The following NAALADL2 variants were observed in gnomAD, a reference collection of about 807,000 sequenced individuals.
NAALADL2 encodes the protein inactive N-acetylated-alpha-linked acidic dipeptidase-like protein 2.
NAALADL2 carries 76 observed loss-of-function variants against 87.2 expected under a neutral mutation model. That is an observed-to-expected ratio of 0.87 (90% CI 0.72 to 1.05). The LOEUF (loss-of-function observed/expected upper bound fraction) is 1.05, where lower values mean the gene tolerates loss of function less well. Among genes scored for constraint, NAALADL2 ranks in the 50% least tolerant of loss-of-function variants. The pLI, the probability that NAALADL2 is intolerant of heterozygous loss-of-function variation, is 0.00. For synonymous variants in NAALADL2, 354 were observed against 331.0 expected, an observed-to-expected ratio of 1.07 and a Z score of -0.75; for missense variants, 1,089 against 945.8, an observed-to-expected ratio of 1.15 and a Z score of -1.99.
intron 1 of NAALADL2, among the ~76,000 whole-genome samples, chr3:174,916,444 T>C (rs1734403798): frequency 1.3e-5 from 2 of 152,078 alleles, no homozygotes; most frequent in Non-Finnish European, 2.9e-5. Context: ...AATTCACAAT[T>C]GCAAAGATAG....
intron 13 of NAALADL2, among the ~76,000 whole-genome samples, chr3:175,780,879 A>G (rs965402440): frequency 6.6e-6 from 1 of 152,204 alleles, no homozygotes; most frequent in Non-Finnish European, 1.5e-5. Context: ...AAGGATTAAA[A>G]TATTATTTTT....
At chr3:175,619,763 T>A (rs1725941687) in intron 10 of NAALADL2, among the ~76,000 whole-genome samples, 1 of 151,758 alleles carries the variant, frequency 6.6e-6, no homozygotes, top group African/African-American at 2.4e-5. Flanking sequence ...AGAAAGAAAA[T>A]GTGATAGGAA....
chr3:175,798,286 C>G (rs1753748189), intron 13 of NAALADL2, among the ~76,000 whole-genome samples: 1 of 150,686 alleles, frequency 6.6e-6, no homozygotes, highest in South Asian at 2.1e-4. Flanking sequence ...AGAAGCTACC[C>G]AAAATGAAGG....
chr3:174,885,812 TCACACAATCACAA>T (rs1730024990), intron 1 of NAALADL2, among the ~76,000 whole-genome samples: 1 of 141,568 alleles, frequency 7.1e-6, no homozygotes, highest in Non-Finnish European at 1.5e-5. Context: ...AAGTATTAAC[TCACACAATCACAA>T]GTTCCCACAA....
intron 9 of NAALADL2, among the ~76,000 whole-genome samples, chr3:175,529,237 A>G (rs751453751): frequency 4.6e-5 from 7 of 152,048 alleles, no homozygotes; most frequent in Non-Finnish European, 8.8e-5. Flanking sequence ...CAACACTGTA[A>G]CTCTCTTCTT....
At chr3:175,478,514 G>A (rs1726027260) in intron 9 of NAALADL2, among the ~76,000 whole-genome samples, 1 of 151,912 alleles carries the variant, frequency 6.6e-6, no homozygotes, top group Admixed American at 6.6e-5. Flanking sequence ...GTCTTAGTGA[G>A]ATTCTGCTTA....
At chr3:175,770,215 T>C (rs1338894808) in intron 13 of NAALADL2, among the ~76,000 whole-genome samples, 1 of 152,144 alleles carries the variant, frequency 6.6e-6, no homozygotes, top group African/African-American at 2.4e-5. Context: ...TCGAGAAGAT[T>C]AATTTGTAAC....
chr3:175,458,197 G>C (rs1011734099), intron 6 of NAALADL2, among the ~76,000 whole-genome samples: 5 of 151,948 alleles, frequency 3.3e-5, no homozygotes, highest in East Asian at 1.9e-4. Context: ...ATAGTGTCTA[G>C]AAAACCAGAT....
At chr3:174,964,075 A>C (rs1742530566) in intron 1 of NAALADL2, among the ~76,000 whole-genome samples, 2 of 151,936 alleles carry the variant, frequency 1.3e-5, no homozygotes, top group Non-Finnish European at 2.9e-5. Context: ...ATGAGATTTT[A>C]AAAATATTTA....
intron 1 of NAALADL2, among the ~76,000 whole-genome samples, chr3:174,454,473 G>A (rs982858369): frequency 1.3e-5 from 2 of 151,982 alleles, no homozygotes; most frequent in African/African-American, 4.8e-5. Flanking sequence ...CTCTAAAGTC[G>A]ACCACATAAT....
At chr3:175,098,892 T>TG (rs1200540804) in intron 2 of NAALADL2, among the ~76,000 whole-genome samples, 6 of 115,956 alleles carry the variant, frequency 5.2e-5, no homozygotes, top group African/African-American at 1.9e-4. Context: ...GACAATTATG[T>TG]GTTTTTTTTT....
intron 10 of NAALADL2, among the ~76,000 whole-genome samples, chr3:175,625,295 G>A (rs12696382): frequency 0.74 from 111,948 of 151,816 alleles, 42,014 homozygotes; most frequent in East Asian, 0.88. Context: ...AAACATTATG[G>A]GTGTTATTAC....
intron 9 of NAALADL2, among the ~76,000 whole-genome samples, chr3:175,526,235 T>TA (rs1733399004): frequency 6.6e-6 from 1 of 152,188 alleles, no homozygotes; most frequent in African/African-American, 2.4e-5. Flanking sequence ...CTTCAGTTTT[T>TA]AAAAAAGGTA....
chr3:175,181,146 A>G (rs568136012), intron 2 of NAALADL2, among the ~76,000 whole-genome samples: 3 of 152,148 alleles, frequency 2.0e-5, no homozygotes, highest in Admixed American at 2.0e-4. Flanking sequence ...TTAGACCAAA[A>G]TATTAAATGT....
At chr3:175,294,532 C>G (rs1043013858) in intron 4 of NAALADL2, among the ~76,000 whole-genome samples, 10 of 152,084 alleles carry the variant, frequency 6.6e-5, no homozygotes, top group Admixed American at 1.3e-4. Flanking sequence ...TTAGCAGTCA[C>G]CTAAAGATAT....
intron 4 of NAALADL2, among the ~76,000 whole-genome samples, chr3:175,263,373 T>C (rs1307906193): frequency 6.6e-6 from 1 of 151,974 alleles, no homozygotes; most frequent in African/African-American, 2.4e-5. Flanking sequence ...TTTCAACTTC[T>C]ATTCCTGTTT....
At chr3:175,189,597 G>A (rs758992785) in intron 2 of NAALADL2, among the ~76,000 whole-genome samples, 32 of 152,258 alleles carry the variant, frequency 2.1e-4, no homozygotes, top group Admixed American at 1.3e-3. Context: ...GATATTCCAT[G>A]TTTTTGGATC....
In NAALADL2 at chr3:175,088,681, G is replaced by T. The variant is rs1373308678; in HGVS notation, c.44-8109G>T. 2.0e-5 allele frequency among the ~76,000 whole-genome samples: 3 copies of T among 152,322 alleles called. No individual in the cohort carries two copies. The East Asian group carries it at 5.8e-4, about 29-fold the overall frequency. On this transcript the variant is annotated intron_variant, in intron 1 of 13. Coordinates refer to ENST00000454872, the MANE Select transcript of NAALADL2 (RefSeq NM_207015.3). ...TAGAGTGCTTTAGTAGCCTTGTGTA[G>T]ATACAAGCTTCAACTCTCTGTTCTT...
intron 4 of NAALADL2, among the ~76,000 whole-genome samples, chr3:175,284,874 C>G (rs924831434): frequency 6.6e-6 from 1 of 152,034 alleles, no homozygotes; most frequent in African/African-American, 2.4e-5. Flanking sequence ...GATGCAGCAT[C>G]TTCATTCCTG....
Sources: allele counts gnomAD v4.1 joint callset (sites outside exome capture counted in the v4.1 genomes callset), GRCh38; gene constraint gnomAD v4.1.1; transcripts MANE v1.5; gene names NCBI Gene and HGNC (gene_info 2026-07-23, HGNC 2026-07-21).